Variants in ATP13A5 observed in about 807,000 individuals in gnomAD.
ATP13A5 encodes ATPase 13A5.
Under a neutral mutation model 150.2 loss-of-function variants are expected in ATP13A5, and 149 were observed. The observed-to-expected ratio is 0.99, with a 90% CI of 0.87 to 1.14. The LOEUF (loss-of-function observed/expected upper bound fraction) is 1.14. Among genes scored for constraint, ATP13A5 ranks in the 50% most tolerant of loss-of-function variants. The probability of loss-of-function intolerance (pLI) is 0.00; values close to 1 mark genes in which losing one functional copy is unlikely to be tolerated. For synonymous variants in ATP13A5, 497 were observed against 522.2 expected, an observed-to-expected ratio of 0.95 and a Z score of 0.66; for missense variants, 1,383 against 1,449.3, an observed-to-expected ratio of 0.95 and a Z score of 0.74.
At chr3:193,353,886 A>ACCACCACCAC (rs1560147200) in intron 6 of ATP13A5, among the ~76,000 whole-genome samples, 97 of 151,800 alleles carry the variant, frequency 6.4e-4, no homozygotes, top group East Asian at 5.8e-3. Flanking sequence ...ACCACCACCA[A>ACCACCACCAC]AACCACCATC....
chr3:193,325,467 T>G (rs1476140198), intron 13 of ATP13A5, among the ~76,000 whole-genome samples: 1 of 152,202 alleles, frequency 6.6e-6, no homozygotes, highest in Admixed American at 6.5e-5. Flanking sequence ...AGGCTTTGGA[T>G]AGAATTGCAG....
At position 193,298,993 on chromosome 3, in the gene ATP13A5, A is replaced by G. The variant is rs965030189; in HGVS notation, c.2848+138T>C. ...TTTCAACTCTCAACTTACTCCCAAT[A>G]TCACTTTTAAAAAATTGTAAATAAT... On this transcript the variant is annotated intron_variant, in intron 25 of 29. Transcript: ENST00000342358. 119 of 653,336 alleles carry G rather than the reference A, an allele frequency of 1.8e-4. 2 individuals carry two copies. The African/African-American group carries it at 1.9e-3, about 10-fold the overall frequency. The allele number at this position is 653,336 out of a possible 1,614,324, so 40.5% of individuals were successfully genotyped here. A position where few individuals can be genotyped will look rare whatever the true frequency, so the allele number is the denominator to read the frequency against.
chr3:193,300,706 T>A (rs1718364388), intron 24 of ATP13A5, among the ~76,000 whole-genome samples: 2 of 152,166 alleles, frequency 1.3e-5, no homozygotes, highest in Admixed American at 1.3e-4. Flanking sequence ...CTTTTTTAGT[T>A]TCAAAGAATT....
intron 23 of ATP13A5, among the ~76,000 whole-genome samples, chr3:193,302,602 T>G (rs1458050526): frequency 1.3e-5 from 2 of 152,210 alleles, no homozygotes; most frequent in Non-Finnish European, 2.9e-5. Flanking sequence ...CTACGCATTC[T>G]ACAAACGTTC....
At chr3:193,308,702 T>A (rs1005867442) in intron 21 of ATP13A5, among the ~76,000 whole-genome samples, 1 of 152,162 alleles carries the variant, frequency 6.6e-6, no homozygotes, top group Admixed American at 6.5e-5. Flanking sequence ...ACATTGCCAA[T>A]GACAAAGGCA....
chr3:193,353,908 G>GAACAAAACAA (rs143245977), intron 6 of ATP13A5, among the ~76,000 whole-genome samples: 3 of 151,320 alleles, frequency 2.0e-5, no homozygotes, highest in Non-Finnish European at 4.4e-5. Context: ...AAACTAAAGA[G>GAACAAAACAA]AACAAAACAA....
At chr3:193,366,847 A>T (rs977139091) in intron 1 of ATP13A5, among the ~76,000 whole-genome samples, 1 of 152,112 alleles carries the variant, frequency 6.6e-6, no homozygotes, top group Non-Finnish European at 1.5e-5. Context: ...ATTCTGAGAC[A>T]TAAAGTATGA....
chr3:193,290,321 T>G (rs1416238736), intron 25 of ATP13A5, among the ~76,000 whole-genome samples: 1 of 152,140 alleles, frequency 6.6e-6, no homozygotes, highest in Non-Finnish European at 1.5e-5. Flanking sequence ...CCATATCGCA[T>G]GGTGCAACTA....
At chr3:193,278,093 C>A (rs1270188277) in intron 28 of ATP13A5, among the ~76,000 whole-genome samples, 1 of 152,208 alleles carries the variant, frequency 6.6e-6, no homozygotes, top group South Asian at 2.1e-4. Flanking sequence ...CATGAGCCAC[C>A]ATGCCTGACC....
At chr3:193,355,006 C>T (rs1270208410) in intron 5 of ATP13A5, among the ~76,000 whole-genome samples, 1 of 148,624 alleles carries the variant, frequency 6.7e-6, no homozygotes, top group Non-Finnish European at 1.5e-5. Context: ...GATCTCGGTT[C>T]ACCGCAACCT....
intron 5 of ATP13A5, among the ~76,000 whole-genome samples, chr3:193,356,197 C>T (rs1336119323): frequency 6.6e-6 from 1 of 151,932 alleles, no homozygotes; most frequent in Non-Finnish European, 1.5e-5. Context: ...TCTTCATCTC[C>T]TTATCCTGCC....
chr3:193,358,364 C>T (rs1335592565), intron 5 of ATP13A5, among the ~76,000 whole-genome samples: 1 of 152,154 alleles, frequency 6.6e-6, no homozygotes, highest in Non-Finnish European at 1.5e-5. Flanking sequence ...CTAAGATATT[C>T]ACAGATGCAC....
chr3:193,367,947 T>G (rs558380887), intron 1 of ATP13A5, among the ~76,000 whole-genome samples: 3 of 123,370 alleles, frequency 2.4e-5, no homozygotes, highest in African/African-American at 6.4e-5. Flanking sequence ...TCTTAACCAG[T>G]GCAACGCAAG....
At chr3:193,299,978 G>C (rs371849588) in intron 24 of ATP13A5, among the ~76,000 whole-genome samples, 1 of 152,124 alleles carries the variant, frequency 6.6e-6, no homozygotes, top group African/African-American at 2.4e-5. Context: ...AAGGTACCAG[G>C]TTAAGGTTCT....
intron 29 of ATP13A5, among the ~76,000 whole-genome samples, chr3:193,275,613 A>C (rs946555698): frequency 6.6e-6 from 1 of 152,226 alleles, no homozygotes; most frequent in East Asian, 1.9e-4. Context: ...AACGTGCTCA[A>C]AATGAAGAAA....
At position 193,364,216 on chromosome 3, in the gene ATP13A5, G is replaced by T. The variant is rs781565123; in HGVS notation, c.128C>A (p.Thr43Asn). The change falls in exon 2 of 30, where the codon ACC becomes AAC. Residue 43 changes from threonine to asparagine, a missense_variant. Thr to Asn is a moderately conservative substitution (Grantham distance 65, BLOSUM62 0). Around this residue, in one of 3 missense-constraint regions of ATP13A5, gnomAD observed 787 missense variants for 771.9 expected, o/e 1.02. Transcript: ENST00000342358. Reference sequence around the variant, plus strand: ...GAACACCAGCAGAAGGCCCCCACAGGTCAGCACGGATGCGACAAGGCAGAA... The same window carrying T: ...GAACACCAGCAGAAGGCCCCCACAGTTCAGCACGGATGCGACAAGGCAGAA... The part of the protein sequence containing the change: ...KAFCLVASVL[T>N]CGGLLLVFYW... The T allele has an allele frequency of 6.2e-7, 1 of 1,614,122 alleles. No homozygotes were observed. Among genetic ancestry groups the T allele is most frequent in the Non-Finnish European group, 8.5e-7 (1 of 1,179,980 alleles).
intron 9 of ATP13A5, among the ~76,000 whole-genome samples, chr3:193,335,895 G>T (rs775013453): frequency 3.9e-5 from 6 of 152,004 alleles, no homozygotes; most frequent in Non-Finnish European, 8.8e-5. Flanking sequence ...TTCCCTGGTG[G>T]CTATAAGACA....
At chr3:193,305,802 T>C in intron 22 of ATP13A5, 134 bp from the exon 23 acceptor site, 2 of 710,306 alleles carry the variant, frequency 2.8e-6, no homozygotes, top group Non-Finnish European at 4.8e-6. Context: ...TGTTTAATGC[T>C]GTCCCTCCAC....
chr3:193,294,808 C>T (rs1310674860), intron 25 of ATP13A5, among the ~76,000 whole-genome samples: 1 of 152,076 alleles, frequency 6.6e-6, no homozygotes, highest in African/African-American at 2.4e-5. Flanking sequence ...TACCGAATAC[C>T]ATAGTTTAGC....
Sources: allele counts gnomAD v4.1 joint callset (sites outside exome capture counted in the v4.1 genomes callset), GRCh38; gene constraint gnomAD v4.1.1; regional missense constraint gnomAD v4.1.1; transcripts MANE v1.5; gene names NCBI Gene and HGNC (gene_info 2026-07-23, HGNC 2026-07-21).